Variants in PRDM1 observed in about 807,000 individuals in gnomAD.
PRDM1 encodes the protein PR/SET domain 1.
In PRDM1, 13 loss-of-function variants were observed where a neutral mutation model predicts 62.8. The observed-to-expected ratio is 0.21, with a 90% CI of 0.13 to 0.33. The LOEUF is 0.33. Ranked by LOEUF, PRDM1 falls within the 10% of genes least tolerant of loss-of-function variation. PRDM1 has a pLI of 1.00. For missense variants in PRDM1, 895 were observed against 1,058.8 expected (o/e 0.85, Z 2.15); for synonymous variants, 396 against 417.6 (o/e 0.95, Z 0.63).
upstream of PRDM1, among the ~76,000 whole-genome samples, chr6:106,082,056 T>C (rs942501245): frequency 1.1e-4 from 16 of 152,224 alleles, no homozygotes; most frequent in African/African-American, 3.9e-4. Flanking sequence ...ACCCACAGTC[T>C]TGCTCTCTCA....
chr6:106,106,039 C>T lies in PRDM1; in HGVS notation c.1773+106C>T. ...GATTGCATTTGCAGTAGTATGAGCC[C>T]CCGGTTGGGGATAGTGGGTATGGAT... On this transcript the variant is annotated intron_variant, in intron 5 of 6. Transcript: ENST00000369096. The surrounding 1 kb of genome is among the most constrained non-coding windows in gnomAD (Gnocchi z 4.4). The T allele has an allele frequency of 6.8e-7, 1 of 1,465,204 alleles. No homozygotes were observed. Among genetic ancestry groups the T allele is most frequent in the Non-Finnish European group, 9.1e-7 (1 of 1,101,036 alleles). The allele number at this position is 1,465,204 out of a possible 1,614,324, so 90.8% of individuals were successfully genotyped here. A position where few individuals can be genotyped will look rare whatever the true frequency, so the allele number is the denominator to read the frequency against.
rs149269839 is a variant in PRDM1, at chr6:106,003,874, G to A, written c.-67+10235G>A. 2.6e-5 allele frequency among the ~76,000 whole-genome samples: 4 copies of A among 152,320 alleles called. No homozygotes were observed. The East Asian group carries it at 7.7e-4, about 29-fold the overall frequency. On this transcript the variant is annotated intron_variant, in intron 1 of 6. Coordinates refer to the PRDM1 transcript ENST00000652320. ...AACAGCTTTGTGTGCCTGTATTCCA[G>A]TATTGTTGCTTTAATTGCAGTTTGC...
chr6:106,044,198 T>C (rs1038190647), upstream of PRDM1, among the ~76,000 whole-genome samples: 39 of 150,836 alleles, frequency 2.6e-4, no homozygotes, highest in Non-Finnish European at 5.0e-4. Context: ...TTCTTTCTTT[T>C]TTTTTTTTTT....
At chr6:106,048,750 T>C (rs1225719972) in intron 1 of PRDM1, among the ~76,000 whole-genome samples, 1 of 152,196 alleles carries the variant, frequency 6.6e-6, no homozygotes, top group African/African-American at 2.4e-5. Context: ...CTTGTTATTT[T>C]GTCCTGCTTC....
upstream of PRDM1, among the ~76,000 whole-genome samples, chr6:106,082,805 T>A (rs1416745985): frequency 6.6e-6 from 1 of 152,186 alleles, no homozygotes; most frequent in Admixed American, 6.5e-5. Flanking sequence ...TGTCAAAAGT[T>A]TTTGGGAGGT....
chr6:106,109,050 T>C lies in PRDM1; in HGVS notation c.*1564T>C, dbSNP rs1199188598. ...GTATATATATTTATAACCACTTAAA[T>C]TGTGAGCCAAGCCATGTAAAAGATC... is the stretch of plus-strand genomic sequence containing the variant. On this transcript the variant is annotated 3_prime_UTR_variant, in exon 7 of 7. Transcript: ENST00000369096. 4.7e-6 allele frequency: 1 copy of C among 212,880 alleles called. No individual in the cohort carries two copies. The highest frequency in any genetic ancestry group is 9.4e-6 in the Non-Finnish European group (1 of 106,644). The allele number at this position is 212,880 out of a possible 1,614,324, so 13.2% of individuals were successfully genotyped here. A position where few individuals can be genotyped will look rare whatever the true frequency, so the allele number is the denominator to read the frequency against.
In PRDM1 at chr6:106,081,279, C is replaced by T. The variant is rs1408030861; in HGVS notation, c.-66-6922C>T. On this transcript the variant is annotated intron_variant, in intron 1 of 6. Transcript: ENST00000651185. Reference sequence around the variant, plus strand: ...AAGGTTCTCCAATAAGCGCAGCCCCCTCCTCCTCATTTTTAAGTCCATGTG... The same window carrying T: ...AAGGTTCTCCAATAAGCGCAGCCCCTTCCTCCTCATTTTTAAGTCCATGTG... Among the ~76,000 whole-genome samples, 3 of 152,302 alleles carry T rather than the reference C, an allele frequency of 2.0e-5. No homozygotes were observed. In the East Asian group the frequency reaches 5.8e-4, roughly 29 times the overall value.
At chr6:106,073,964 C>T (rs1454375073) in intron 1 of PRDM1, among the ~76,000 whole-genome samples, 1 of 152,130 alleles carries the variant, frequency 6.6e-6, no homozygotes, top group Non-Finnish European at 1.5e-5. Flanking sequence ...CTACAGACAG[C>T]CTCTGGTCAG....
chr6:106,026,482 AAAT>A (rs1405412080), intron 1 of PRDM1, among the ~76,000 whole-genome samples: 3 of 151,618 alleles, frequency 2.0e-5, no homozygotes, highest in African/African-American at 7.3e-5. Flanking sequence ...TCCATCTCAA[AAAT>A]AATAATAAAT....
chr6:106,022,515 G>A (rs189406755), intron 1 of PRDM1, among the ~76,000 whole-genome samples: 203 of 148,620 alleles, frequency 1.4e-3, no homozygotes, highest in African/African-American at 4.9e-3. Context: ...TGCAACCTCC[G>A]CCTCTTGGGT....
upstream of PRDM1, among the ~76,000 whole-genome samples, chr6:106,084,736 C>T (rs1357250763): frequency 6.6e-6 from 1 of 152,170 alleles, no homozygotes; most frequent in South Asian, 2.1e-4. Context: ...TAATTATCAG[C>T]TTGGAGCTTT....
At position 106,042,998 on chromosome 6, in the gene PRDM1, G is replaced by T. The variant is rs1246037167; in HGVS notation, c.-66-45203G>T. 2.6e-5 allele frequency among the ~76,000 whole-genome samples: 4 copies of T among 152,082 alleles called. No individual in the cohort carries two copies. The East Asian group carries it at 7.7e-4, about 29-fold the overall frequency. On this transcript the variant is annotated intron_variant, in intron 1 of 6. Transcript: ENST00000652320. ...CCCGAGTAGCTGGGATTATAGGCAT[G>T]TGCCACCACGCCCGGCTAATTTTTG...
chr6:106,029,550 T>A (rs1320331124), intron 1 of PRDM1, among the ~76,000 whole-genome samples: 2 of 152,186 alleles, frequency 1.3e-5, no homozygotes, highest in African/African-American at 2.4e-5. Flanking sequence ...TTCATTCCTT[T>A]ATGTTGTTGA....
At chr6:106,001,973 A>T (rs1424122454) in intron 1 of PRDM1, among the ~76,000 whole-genome samples, 1 of 152,188 alleles carries the variant, frequency 6.6e-6, no homozygotes, top group East Asian at 1.9e-4. Context: ...ACTGAAATGC[A>T]GTATGTGGTT....
chr6:106,060,913 C>G (rs542203085), intron 1 of PRDM1, among the ~76,000 whole-genome samples: 2 of 152,074 alleles, frequency 1.3e-5, no homozygotes, highest in South Asian at 4.2e-4. Flanking sequence ...CTTCCGTCAT[C>G]AAGGGGGATA....
chr6:106,024,140 T>TC (rs1468153658), intron 1 of PRDM1, among the ~76,000 whole-genome samples: 4 of 138,402 alleles, frequency 2.9e-5, no homozygotes, highest in African/African-American at 5.1e-5. Flanking sequence ...AGACCGTGTC[T>TC]CAAAAAAAAA....
Position 106,105,763 on chromosome 6 carries a change from TCAGCAGCGATGGCAGCCCC to T in PRDM1, c.1613_1631del (p.Met538ThrfsTer4). On this transcript the variant is annotated frameshift_variant, in exon 5 of 7. Transcript: ENST00000369096. LOFTEE classifies it high-confidence loss of function. ...ACATGTGGTGCAGCCCAAAGCTACC[TCAGCAGCGATGGCAGCCCC>T]CAGCAGCGACGAAGCCATGAATCTC... 1 of 1,614,132 alleles carries T rather than the reference TCAGCAGCGATGGCAGCCCC, an allele frequency of 6.2e-7. No homozygotes were observed. The highest frequency in any genetic ancestry group is 8.5e-7 in the Non-Finnish European group (1 of 1,180,038).
chr6:106,103,258 C>T (rs1203863925), intron 4 of PRDM1, among the ~76,000 whole-genome samples: 1 of 152,230 alleles, frequency 6.6e-6, no homozygotes, highest in African/African-American at 2.4e-5. Flanking sequence ...AAATTGGAAT[C>T]GAATCCCTCA....
chr6:106,030,064 A>G (rs971515321), intron 1 of PRDM1, among the ~76,000 whole-genome samples: 6 of 152,144 alleles, frequency 3.9e-5, no homozygotes, highest in Non-Finnish European at 4.4e-5. Context: ...TTTTCTTATT[A>G]AGTTTTGAGA....
Sources: allele counts gnomAD v4.1 joint callset (sites outside exome capture counted in the v4.1 genomes callset), GRCh38; gene constraint gnomAD v4.1.1; non-coding constraint Gnocchi (gnomAD v3.1); transcripts MANE v1.5; gene names NCBI Gene and HGNC (gene_info 2026-07-23, HGNC 2026-07-21).